RAD51B: variants seen among roughly 807,000 people sequenced by gnomAD.
The protein encoded by RAD51B is RAD51 paralog B, also known as DNA repair protein RAD51 homolog 2.
In RAD51B, 38 loss-of-function variants were observed where a neutral mutation model predicts 42.2. The observed-to-expected ratio is 0.90, with a 90% CI of 0.70 to 1.18. RAD51B has a LOEUF of 1.18. Among genes scored for constraint, RAD51B ranks in the 50% most tolerant of loss-of-function variants. The probability of loss-of-function intolerance (pLI) is 0.00; values close to 1 mark genes in which losing one functional copy is unlikely to be tolerated. For missense variants in RAD51B, 373 were observed against 400.7 expected (o/e 0.93, Z 0.59); for synonymous variants, 154 against 145.2 (o/e 1.06, Z -0.43).
intron 7 of RAD51B, among the ~76,000 whole-genome samples, chr14:68,069,307 T>C (rs1170596254): frequency 6.6e-6 from 1 of 152,166 alleles, no homozygotes; most frequent in East Asian, 1.9e-4. Context: ...GTTCCAGATA[T>C]ACATGTGCAG....
chr14:67,949,713 G>A (rs12435554), intron 7 of RAD51B, among the ~76,000 whole-genome samples: 6 of 151,920 alleles, frequency 3.9e-5, no homozygotes, highest in African/African-American at 1.5e-4. Context: ...ACAATCTATG[G>A]CAGAAATAGC....
intron 10 of RAD51B, among the ~76,000 whole-genome samples, chr14:68,620,382 T>C (rs1407958884): frequency 6.6e-6 from 1 of 152,178 alleles, no homozygotes; most frequent in Non-Finnish European, 1.5e-5. Context: ...TGGGTAGCTG[T>C]TGTAATCTGA....
chr14:67,828,445 T>C (rs974565988), intron 3 of RAD51B, among the ~76,000 whole-genome samples: 1 of 152,070 alleles, frequency 6.6e-6, no homozygotes, highest in Non-Finnish European at 1.5e-5. Context: ...TTTTCTACCA[T>C]GATAGTTTCT....
chr14:68,188,890 G>A (rs2079208893), intron 7 of RAD51B, among the ~76,000 whole-genome samples: 1 of 151,846 alleles, frequency 6.6e-6, no homozygotes, highest in African/African-American at 2.4e-5. Flanking sequence ...GTTTTGCATC[G>A]ACTTTTCTTC....
chr14:67,987,232 A>ATTATTGAGTATCG (rs1171286687), intron 7 of RAD51B, among the ~76,000 whole-genome samples: 1 of 152,210 alleles, frequency 6.6e-6, no homozygotes, highest in Non-Finnish European at 1.5e-5. Context: ...CAATTAAGTT[A>ATTATTGAGTATCG]TTATTGAGTA....
intron 7 of RAD51B, among the ~76,000 whole-genome samples, chr14:68,134,222 A>ACT: frequency 6.6e-6 from 1 of 152,288 alleles, no homozygotes; most frequent in Admixed American, 6.5e-5. Flanking sequence ...AGCCTTTTGT[A>ACT]ATTGGCTTTT....
intron 7 of RAD51B, among the ~76,000 whole-genome samples, chr14:68,044,975 C>G (rs959669788): frequency 5.9e-5 from 9 of 152,006 alleles, no homozygotes; most frequent in Admixed American, 3.9e-4. Flanking sequence ...CGTGGTGGCT[C>G]ACGCCTGTAA....
At chr14:68,138,194 A>C (rs1327173099) in intron 7 of RAD51B, among the ~76,000 whole-genome samples, 2 of 152,052 alleles carry the variant, frequency 1.3e-5, no homozygotes, top group African/African-American at 4.8e-5. Flanking sequence ...TTCCACTCCT[A>C]ATGATGTTGT....
intron 9 of RAD51B, 97 bp downstream of exon 9, chr14:68,411,624 G>C (rs1594799447): frequency 8.8e-7 from 1 of 1,138,430 alleles, no homozygotes. Context: ...CGCATTGTCT[G>C]TCCTGAGCCA....
intron 7 of RAD51B, among the ~76,000 whole-genome samples, chr14:68,137,831 G>A (rs896343128): frequency 6.6e-6 from 1 of 152,178 alleles, no homozygotes; most frequent in African/African-American, 2.4e-5. Flanking sequence ...CCCTGACACT[G>A]CCTGTTGCTG....
At chr14:68,072,412 G>C (rs970943106) in intron 7 of RAD51B, among the ~76,000 whole-genome samples, 1 of 151,932 alleles carries the variant, frequency 6.6e-6, no homozygotes, top group Non-Finnish European at 1.5e-5. Flanking sequence ...GAAGTCCACT[G>C]TTTGAGGGCA....
chr14:68,011,745 C>T (rs978085740), intron 7 of RAD51B, among the ~76,000 whole-genome samples: 9 of 151,922 alleles, frequency 5.9e-5, no homozygotes, highest in Non-Finnish European at 1.0e-4. Context: ...AGGAATACAG[C>T]GGCACAACCT....
chr14:68,676,259 G>A (rs1893300616), intron 11 of RAD51B, among the ~76,000 whole-genome samples: 1 of 152,160 alleles, frequency 6.6e-6, no homozygotes, highest in Non-Finnish European at 1.5e-5. Context: ...AGAGGTTAAA[G>A]TGCCTTGCCC....
chr14:68,539,892 C>T (rs539219593), intron 10 of RAD51B, among the ~76,000 whole-genome samples: 25 of 152,336 alleles, frequency 1.6e-4, no homozygotes, highest in East Asian at 5.8e-4. Context: ...TGGCCTCTAA[C>T]GGTCCCGTAT....
rs1888742946 is a variant in RAD51B, at chr14:68,554,712, A to C, written c.1037-39773A>C. ...TGTTTCTTTTTGTTTTCTCTACCAT[A>C]ATGTCAGTGTGACAGTGCAGAATTT... On this transcript the variant is annotated intron_variant, in intron 10 of 10. Transcript: ENST00000487270. Among the ~76,000 whole-genome samples the C allele has an allele frequency of 2.0e-5, 3 of 152,206 alleles. No individual in the cohort carries two copies. The South Asian group carries it at 6.2e-4, about 32-fold the overall frequency.
At chr14:67,893,490 ACACACACACACACAC>A (rs2043287443) in intron 7 of RAD51B, among the ~76,000 whole-genome samples, 1 of 76,442 alleles carries the variant, frequency 1.3e-5, no homozygotes, top group African/African-American at 7.0e-5. Flanking sequence ...ACACACACAC[ACACACACACACACAC>A]ACACAAAAAA....
At chr14:68,592,688 C>T (rs971320707) in intron 10 of RAD51B, among the ~76,000 whole-genome samples, 1 of 152,208 alleles carries the variant, frequency 6.6e-6, no homozygotes, top group African/African-American at 2.4e-5. Context: ...TGGCCACATG[C>T]CAGACACATA....
chr14:68,109,539 A>G (rs1407406700), intron 7 of RAD51B, among the ~76,000 whole-genome samples: 1 of 152,046 alleles, frequency 6.6e-6, no homozygotes, highest in African/African-American at 2.4e-5. Flanking sequence ...GTTCTTTTCC[A>G]TTAGCATTCC....
intron 7 of RAD51B, among the ~76,000 whole-genome samples, chr14:68,189,589 A>G (rs575871805): frequency 1.3e-5 from 2 of 152,250 alleles, no homozygotes; most frequent in South Asian, 2.1e-4. Flanking sequence ...GCAGAGAGAT[A>G]TGGTTAGGAT....
Sources: gnomAD v4.1 joint callset for allele counts (sites outside exome capture counted in the v4.1 genomes callset) on GRCh38, gnomAD v4.1.1 for gene constraint, MANE v1.5 for transcripts, NCBI Gene and HGNC (gene_info 2026-07-23, HGNC 2026-07-21) for gene names.